Variants in METTL2B observed in about 807,000 individuals in gnomAD.
METTL2B encodes tRNA N(3)-cytidine methyltransferase METTL2B.
METTL2B carries 28 observed loss-of-function variants against 51.0 expected under a neutral mutation model. The observed-to-expected ratio is 0.55, with a 90% confidence interval of 0.41 to 0.75. The LOEUF (loss-of-function observed/expected upper bound fraction) is 0.75. Ranked by LOEUF, METTL2B falls within the 30% of genes least tolerant of loss-of-function variation. The pLI is 0.00. For synonymous variants in METTL2B, 128 were observed against 166.3 expected (o/e 0.77, Z 1.77); for missense variants, 313 against 460.7 (o/e 0.68, Z 2.93).
chr7:128,484,241 T>TTTA (rs1792658394), intron 4 of METTL2B: 1 of 114,260 alleles, frequency 8.8e-6, no homozygotes, highest in Non-Finnish European at 1.8e-5. Flanking sequence ...TTTTTTTTTT[T>TTTA]TTTTGAGACA....
At chr7:128,494,009 TA>T in intron 6 of METTL2B, 66 bp downstream of exon 6, 1 of 1,561,222 alleles carries the variant, frequency 6.4e-7, no homozygotes, top group Non-Finnish European at 8.7e-7. Flanking sequence ...CCTTTTTTTT[TA>T]AAATAGGGTC....
At chr7:128,490,559 C>T (rs1013933139) in intron 5 of METTL2B, among the ~76,000 whole-genome samples, 17 of 152,104 alleles carry the variant, frequency 1.1e-4, no homozygotes, top group Non-Finnish European at 2.9e-5. Flanking sequence ...TTCCTGGTAT[C>T]TTACCTCTCA....
rs1213294830 is a variant in METTL2B, at chr7:128,505,748, G to A, written c.*3832G>A. 6.6e-6 allele frequency: 1 copy of A among 152,086 alleles called. No homozygotes were observed. Among genetic ancestry groups the A allele is most frequent in the Non-Finnish European group, 1.5e-5 (1 of 68,026 alleles). 9.4% of individuals were successfully genotyped at this position (152,086 alleles called of 1,614,324 possible). A position where few individuals can be genotyped will look rare whatever the true frequency, so the allele number is the denominator to read the frequency against. ...CCTTCCATTCCTTCTACACTGATTG[G>A]TTGGTATTTTGTACAGAAAAGCTTT... On this transcript the variant is annotated 3_prime_UTR_variant, in exon 9 of 9. Coordinates refer to ENST00000262432, the MANE Select transcript of METTL2B (RefSeq NM_018396.3).
At position 128,498,066 on chromosome 7, in the gene METTL2B, G is replaced by A. The variant is rs375738201; in HGVS notation, c.840G>A (p.Arg280=). ...AGAAGGCTATCAACAGGCTGAGCAGGCTTCTGAAACCTGGGGGGATGGTAC... is the reference window on the plus strand; with the variant it reads ...AGAAGGCTATCAACAGGCTGAGCAGACTTCTGAAACCTGGGGGGATGGTAC... ...KMQKAINRLS[R]LLKPGGMVLL... The change falls in exon 7 of 9, where the codon AGG becomes AGA. Residue 280 remains arginine (R), a synonymous_variant. Coordinates refer to ENST00000262432, the MANE Select transcript of METTL2B (RefSeq NM_018396.3). 4.3e-6 allele frequency: 7 copies of A among 1,613,934 alleles called. No individual in the cohort carries two copies. The highest frequency in any genetic ancestry group is 5.1e-6 in the Non-Finnish European group (6 of 1,179,888).
intron 7 of METTL2B, among the ~76,000 whole-genome samples, chr7:128,500,608 C>T (rs541195746): frequency 4.6e-5 from 7 of 151,880 alleles, no homozygotes; most frequent in East Asian, 3.9e-4. Context: ...GCAACAAGAG[C>T]GAAACTCTGT....
chr7:128,479,348 T>C lies in METTL2B; in HGVS notation c.393T>C (p.Asp131=), dbSNP rs1799845163. Residue 131 remains aspartate, a synonymous_variant, in exon 3 of 9, where the codon GAT becomes GAC. Coordinates refer to ENST00000262432, the MANE Select transcript of METTL2B (RefSeq NM_018396.3). ...TATGTGAATGTAGAAACAATGAGGATGGACCTGGTTTAATAATGGAAGAAC... is the reference window on the plus strand; with the variant it reads ...TATGTGAATGTAGAAACAATGAGGACGGACCTGGTTTAATAATGGAAGAAC... The part of the protein sequence containing the change: ...SEVCECRNNE[D]GPGLIMEEQH... The C allele has an allele frequency of 3.7e-6, 6 of 1,614,238 alleles. No homozygotes were observed. Among genetic ancestry groups the C allele is most frequent in the Non-Finnish European group, 5.1e-6 (6 of 1,180,040 alleles).
intron 7 of METTL2B, 71 bp downstream of exon 7, chr7:128,498,213 A>G: frequency 6.5e-7 from 1 of 1,540,620 alleles, no homozygotes; most frequent in South Asian, 1.1e-5. Flanking sequence ...GAAGCTGGAA[A>G]TCATCATTCT....
chr7:128,482,247 G>A (rs199798851), intron 4 of METTL2B, among the ~76,000 whole-genome samples: 215 of 152,082 alleles, frequency 1.4e-3, no homozygotes, highest in East Asian at 6.4e-3. Flanking sequence ...TCCGCCTTCC[G>A]GGTTCAAGTG....
rs200398488 is a variant in METTL2B at position 128,497,130 on chromosome 7, AT to A, written c.810-903del. On this transcript the variant is annotated intron_variant, in intron 6 of 8. Coordinates refer to ENST00000262432, the MANE Select transcript of METTL2B (RefSeq NM_018396.3). ...AATTTTTTTTGGTGAAGTTTGTAGC[AT>A]TTAGACTTCTCAAGTTATGAAAGCT... 1.5e-3 allele frequency among the ~76,000 whole-genome samples: 235 copies of A among 152,266 alleles called. 2 individuals are homozygous for A. Among genetic ancestry groups the A allele is most frequent in the African/African-American group, 5.4e-3 (226 of 41,560 alleles).
At chr7:128,496,812 G>A (rs1410103020) in intron 6 of METTL2B, among the ~76,000 whole-genome samples, 3 of 151,538 alleles carry the variant, frequency 2.0e-5, no homozygotes, top group East Asian at 1.9e-4. Context: ...ACAGAGTTTC[G>A]CTCTTGTTGC....
In METTL2B at chr7:128,505,649, AC is replaced by A. The variant is rs1301071876; in HGVS notation, c.*3738del. On this transcript the variant is annotated 3_prime_UTR_variant, in exon 9 of 9. Transcript: ENST00000262432. ...ATATCCTGTTCCTCATCAAACTTCT[AC>A]CCCCTAGTTTCAGTATCTATTGCTG... is the stretch of plus-strand genomic sequence containing the variant. 1 of 152,096 alleles carries A rather than the reference AC, an allele frequency of 6.6e-6. No homozygotes were observed. Among genetic ancestry groups the A allele is most frequent in the Admixed American group, 6.6e-5 (1 of 15,258 alleles). The allele number at this position is 152,096 out of a possible 1,614,324, so 9.4% of individuals were successfully genotyped here.
At chr7:128,497,149 T>C (rs1792939128) in intron 6 of METTL2B, among the ~76,000 whole-genome samples, 1 of 152,224 alleles carries the variant, frequency 6.6e-6, no homozygotes, top group South Asian at 2.1e-4. Flanking sequence ...TCTCAAGTTA[T>C]GAAAGCTTCA....
chr7:128,482,748 G>A (rs1302919996), intron 4 of METTL2B, among the ~76,000 whole-genome samples: 3 of 152,074 alleles, frequency 2.0e-5, no homozygotes, highest in Non-Finnish European at 4.4e-5. Context: ...CGGCTAGGCT[G>A]GTCTCGAACT....
intron 6 of METTL2B, among the ~76,000 whole-genome samples, chr7:128,494,895 G>A (rs1271436574): frequency 2.0e-5 from 3 of 151,838 alleles, no homozygotes; most frequent in African/African-American, 7.3e-5. Flanking sequence ...AAAATGCTGG[G>A]ATTACAGGTG....
rs1792954488 is a variant in METTL2B, at chr7:128,498,020, C to A, written c.810-16C>A. 16 of 1,611,982 alleles carry A rather than the reference C, an allele frequency of 9.9e-6. No individual in the cohort carries two copies. Among genetic ancestry groups the A allele is most frequent in the Non-Finnish European group, 1.4e-5 (16 of 1,178,462 alleles). On this transcript the variant is annotated splice_polypyrimidine_tract_variant and intron_variant, in intron 6 of 8. Coordinates refer to ENST00000262432, the MANE Select transcript of METTL2B (RefSeq NM_018396.3). ...TAAGGAGACCTGATTAACTATAATT[C>A]CCTGTGTCTCCACAGGATGCAGAAG...
intron 5 of METTL2B, among the ~76,000 whole-genome samples, chr7:128,491,854 A>G (rs1792839985): frequency 6.6e-6 from 1 of 151,908 alleles, no homozygotes; most frequent in African/African-American, 2.4e-5. Context: ...AGAATTATTC[A>G]TGCAGTTAAA....
intron 4 of METTL2B, among the ~76,000 whole-genome samples, chr7:128,484,604 T>G (rs556429599): frequency 2.6e-4 from 39 of 152,244 alleles, no homozygotes; most frequent in African/African-American, 8.7e-4. Flanking sequence ...TGTTTTGGTT[T>G]GGTTTTGAGG....
chr7:128,482,311 A>G (rs886767824), intron 4 of METTL2B, among the ~76,000 whole-genome samples: 1 of 151,930 alleles, frequency 6.6e-6, no homozygotes, highest in African/African-American at 2.4e-5. Context: ...ATGCCACCAC[A>G]CACAACTAAT....
In METTL2B at chr7:128,479,420, T is replaced by C; in HGVS notation, c.465T>C (p.Pro155=). 1.2e-6 allele frequency: 2 copies of C among 1,614,220 alleles called. No individual in the cohort carries two copies. Among genetic ancestry groups the C allele is most frequent in the Non-Finnish European group, 1.7e-6 (2 of 1,180,020 alleles). The change falls in exon 3 of 9, where the codon CCT becomes CCC. Residue 155 remains proline, a synonymous_variant. Transcript: ENST00000262432. ...GCCTTGAACATAAAACACAGACACC[T>C]CCTGTGGAGGAGAATGTAACTCAGA... is the stretch of plus-strand genomic sequence containing the variant. ...SKSLEHKTQT[P]PVEENVTQKI... is the part of the protein sequence containing the mutation.
Sources: allele counts gnomAD v4.1 joint callset (sites outside exome capture counted in the v4.1 genomes callset), GRCh38; gene constraint gnomAD v4.1.1; transcripts MANE v1.5; gene names NCBI Gene and HGNC (gene_info 2026-07-23, HGNC 2026-07-21).